The following GRXCR1 variants were observed in gnomAD, a reference collection of about 807,000 sequenced individuals.
GRXCR1 encodes glutaredoxin domain-containing cysteine-rich protein 1.
In GRXCR1, 27 loss-of-function variants were observed where a neutral mutation model predicts 27.3. That is an observed-to-expected ratio of 0.99 (90% CI 0.73 to 1.37). The LOEUF is 1.37. GRXCR1 is among the 40% of genes most tolerant of loss of function. The pLI, the probability that GRXCR1 is intolerant of heterozygous loss-of-function variation, is 0.00. For synonymous variants in GRXCR1, 122 were observed against 131.1 expected (o/e 0.93, Z 0.47); for missense variants, 379 against 354.4 (o/e 1.07, Z -0.56).
At chr4:42,917,362 C>G (rs1178652759) in intron 1 of GRXCR1, among the ~76,000 whole-genome samples, 1 of 152,132 alleles carries the variant, frequency 6.6e-6, no homozygotes, top group Non-Finnish European at 1.5e-5. Flanking sequence ...ATTTCACACC[C>G]TCAGCTGATG....
At chr4:42,931,030 G>A (rs910122163) in intron 1 of GRXCR1, among the ~76,000 whole-genome samples, 1 of 151,830 alleles carries the variant, frequency 6.6e-6, no homozygotes, top group Non-Finnish European at 1.5e-5. Context: ...CTGCATGTTT[G>A]AGCCAACATT....
intron 1 of GRXCR1, among the ~76,000 whole-genome samples, chr4:42,930,317 C>T (rs961823371): frequency 7.9e-5 from 12 of 151,962 alleles, no homozygotes; most frequent in African/African-American, 2.9e-4. Context: ...TAGACCATTT[C>T]CCCATCTCAG....
Position 43,030,355 on chromosome 4 carries a change from ATACAGAGAG to A in GRXCR1, c.694_702del (p.Arg232_Gln234del). 11 of 1,613,226 alleles carry A rather than the reference ATACAGAGAG, an allele frequency of 6.8e-6. No homozygotes were observed. The highest frequency in any genetic ancestry group is 9.3e-6 in the Non-Finnish European group (11 of 1,179,850). ...TTTTCTCTTGTTCCCCTGCCACCTT[ATACAGAGAG>A]TACAGCATCCACATGAGTGTCCCTC... On this transcript the variant is annotated splice_acceptor_variant and splice_polypyrimidine_tract_variant and coding_sequence_variant and intron_variant, in exon 4 of 4. Transcript: ENST00000399770. LOFTEE classifies it high-confidence loss of function.
At chr4:42,964,887 G>C (rs182847317) in intron 2 of GRXCR1, among the ~76,000 whole-genome samples, 1 of 151,990 alleles carries the variant, frequency 6.6e-6, no homozygotes, top group Non-Finnish European at 1.5e-5. Context: ...CCACACTAGG[G>C]AGAAAATGTA....
At chr4:42,965,128 T>C (rs1748208705) in intron 2 of GRXCR1, among the ~76,000 whole-genome samples, 1 of 152,012 alleles carries the variant, frequency 6.6e-6, no homozygotes, top group Admixed American at 6.6e-5. Flanking sequence ...CGTCCTGCTA[T>C]TTGCCCTATA....
chr4:42,932,671 C>CTG (rs1479002016), intron 1 of GRXCR1, among the ~76,000 whole-genome samples: 1 of 116,448 alleles, frequency 8.6e-6, no homozygotes, highest in East Asian at 2.7e-4. Flanking sequence ...GAGAGGCAAT[C>CTG]TGTACAGGGC....
chr4:42,904,714 T>A (rs758752520), intron 1 of GRXCR1, among the ~76,000 whole-genome samples: 1 of 152,196 alleles, frequency 6.6e-6, no homozygotes, highest in African/African-American at 2.4e-5. Flanking sequence ...ATTTTTATTA[T>A]CCTTCTTCAA....
chr4:42,934,563 A>C (rs894030543), intron 1 of GRXCR1, among the ~76,000 whole-genome samples: 3 of 151,900 alleles, frequency 2.0e-5, no homozygotes, highest in Admixed American at 6.6e-5. Flanking sequence ...TTCTTTTTGC[A>C]TCTTAGCTAA....
At chr4:43,009,618 C>G (rs183445828) in intron 2 of GRXCR1, among the ~76,000 whole-genome samples, 1 of 152,172 alleles carries the variant, frequency 6.6e-6, no homozygotes, top group African/African-American at 2.4e-5. Flanking sequence ...AGTGAGAGCC[C>G]AATTCCTGGT....
At chr4:42,997,533 A>G (rs1712207428) in intron 2 of GRXCR1, among the ~76,000 whole-genome samples, 1 of 152,174 alleles carries the variant, frequency 6.6e-6, no homozygotes, top group African/African-American at 2.4e-5. Context: ...AGGGTCATCT[A>G]ATTCCTAGAG....
intron 1 of GRXCR1, among the ~76,000 whole-genome samples, chr4:42,961,217 A>G (rs933238978): frequency 6.6e-6 from 1 of 151,958 alleles, no homozygotes; most frequent in Non-Finnish European, 1.5e-5. Flanking sequence ...TCCATGGTGC[A>G]TATGTACCAC....
At chr4:42,980,132 A>G (rs954112324) in intron 2 of GRXCR1, among the ~76,000 whole-genome samples, 2 of 150,216 alleles carry the variant, frequency 1.3e-5, no homozygotes, top group Non-Finnish European at 3.0e-5. Flanking sequence ...TTTTGTCTCT[A>G]TTTCATTTAT....
chr4:42,979,471 A>T (rs1309635628), intron 2 of GRXCR1, among the ~76,000 whole-genome samples: 2 of 152,020 alleles, frequency 1.3e-5, no homozygotes, highest in Admixed American at 6.6e-5. Context: ...TGTTAATGTG[A>T]TATATCACAT....
intron 1 of GRXCR1, among the ~76,000 whole-genome samples, chr4:42,901,886 G>T (rs1245826737): frequency 1.3e-5 from 2 of 152,136 alleles, no homozygotes. Context: ...CTGAAAGGAT[G>T]GTAATAAATA....
At chr4:43,018,317 TGTCC>T (rs1712994618) in intron 2 of GRXCR1, among the ~76,000 whole-genome samples, 1 of 152,206 alleles carries the variant, frequency 6.6e-6, no homozygotes, top group African/African-American at 2.4e-5. Flanking sequence ...TTCAGCTGCC[TGTCC>T]TCTGTTATGG....
chr4:42,972,586 A>G (rs2109780153), intron 2 of GRXCR1, among the ~76,000 whole-genome samples: 1 of 152,320 alleles, frequency 6.6e-6, no homozygotes, highest in East Asian at 1.9e-4. Flanking sequence ...AGTAAAAGCT[A>G]ATTTGAATGT....
At chr4:42,978,601 T>C (rs1032439514) in intron 2 of GRXCR1, among the ~76,000 whole-genome samples, 3 of 152,102 alleles carry the variant, frequency 2.0e-5, no homozygotes, top group African/African-American at 7.2e-5. Flanking sequence ...TAAGATAGTT[T>C]AGTGTTAATA....
At chr4:43,024,122 T>C (rs542986569) in intron 3 of GRXCR1, among the ~76,000 whole-genome samples, 1 of 151,454 alleles carries the variant, frequency 6.6e-6, no homozygotes, top group South Asian at 2.1e-4. Context: ...TGCCTTGTTA[T>C]TTTTTTGAAG....
chr4:42,984,433 A>G (rs1711609887), intron 2 of GRXCR1, among the ~76,000 whole-genome samples: 1 of 152,174 alleles, frequency 6.6e-6, no homozygotes, highest in Non-Finnish European at 1.5e-5. Context: ...TCTCTTTGGT[A>G]ATGTCATGTT....
Sources: allele counts gnomAD v4.1 joint callset (sites outside exome capture counted in the v4.1 genomes callset), GRCh38; gene constraint gnomAD v4.1.1; transcripts MANE v1.5; gene names NCBI Gene and HGNC (gene_info 2026-07-23, HGNC 2026-07-21).